Variants in NPSR1 observed in about 807,000 individuals in gnomAD.
NPSR1 encodes the protein neuropeptide S receptor 1, also known as neuropeptide S receptor.
In NPSR1, 48 loss-of-function variants were observed where a neutral mutation model predicts 46.9. The observed-to-expected ratio is 1.02, with a 90% CI of 0.81 to 1.30. NPSR1 has a LOEUF of 1.30. Among genes scored for constraint, NPSR1 ranks in the 50% most tolerant of loss-of-function variants. NPSR1 has a pLI of 0.00. For synonymous variants in NPSR1, 176 were observed against 168.1 expected (o/e 1.05, Z -0.36); for missense variants, 450 against 449.5 (o/e 1.00, Z -0.01).
chr7:34,846,189 C>A (rs879891010), intron 7 of NPSR1, among the ~76,000 whole-genome samples: 12 of 152,112 alleles, frequency 7.9e-5, no homozygotes, highest in African/African-American at 1.2e-4. Context: ...GATGCACCTT[C>A]CCTGGATGTT....
chr7:34,766,905 G>A (rs1034761695), intron 2 of NPSR1, among the ~76,000 whole-genome samples: 2 of 152,112 alleles, frequency 1.3e-5, no homozygotes, highest in South Asian at 2.1e-4. Flanking sequence ...ATTTTTAAAG[G>A]TTGCATATTT....
intron 1 of NPSR1, among the ~76,000 whole-genome samples, chr7:34,662,378 A>G (rs1236964338): frequency 6.6e-6 from 1 of 150,628 alleles, no homozygotes; most frequent in African/African-American, 2.5e-5. Context: ...CTCCATTAAT[A>G]TAACAAAAGC....
chr7:34,853,238 A>G (rs553169494), downstream of NPSR1, among the ~76,000 whole-genome samples: 8 of 152,382 alleles, frequency 5.2e-5, no homozygotes, highest in South Asian at 1.7e-3. Flanking sequence ...TCTGAGAGAA[A>G]AAAGGAAAAC....
intron 2 of NPSR1, chr7:34,751,545 A>G (rs1408808028): frequency 6.3e-7 from 1 of 1,581,530 alleles, no homozygotes; most frequent in Non-Finnish European, 8.7e-7. Flanking sequence ...CGAAACTTGT[A>G]TTCTTCTCCT....
chr7:34,734,466 T>C (rs1236513408), intron 2 of NPSR1, among the ~76,000 whole-genome samples: 1 of 152,082 alleles, frequency 6.6e-6, no homozygotes, highest in East Asian at 1.9e-4. Context: ...GATGATAGGG[T>C]CGAAAATATT....
chr7:34,724,022 A>T (rs955823791), intron 2 of NPSR1, among the ~76,000 whole-genome samples: 3 of 152,196 alleles, frequency 2.0e-5, no homozygotes, highest in Non-Finnish European at 4.4e-5. Context: ...ACACTGAGTT[A>T]GTCTTTTATT....
intron 8 of NPSR1, among the ~76,000 whole-genome samples, chr7:34,867,248 G>A (rs966227370): frequency 1.3e-5 from 2 of 151,876 alleles, no homozygotes; most frequent in Non-Finnish European, 1.5e-5. Context: ...TGGGAGGAGG[G>A]ATGGTGAGAA....
At chr7:34,858,640 A>G (rs1274457456) in intron 8 of NPSR1, among the ~76,000 whole-genome samples, 1 of 151,892 alleles carries the variant, frequency 6.6e-6, no homozygotes, top group East Asian at 1.9e-4. Context: ...TTTCACAATC[A>G]TGGCAGAAGG....
intron 6 of NPSR1, among the ~76,000 whole-genome samples, chr7:34,840,645 G>A (rs978284538): frequency 1.3e-5 from 2 of 152,170 alleles, no homozygotes; most frequent in African/African-American, 2.4e-5. Flanking sequence ...ATAATGAAGA[G>A]GACTCACAAT....
intron 2 of NPSR1, among the ~76,000 whole-genome samples, chr7:34,708,432 A>G (rs1420659429): frequency 2.0e-5 from 3 of 152,162 alleles, no homozygotes; most frequent in African/African-American, 7.2e-5. Context: ...GACTTCCCCA[A>G]AACACATGGG....
At chr7:34,770,366 A>G (rs919614694) in intron 2 of NPSR1, among the ~76,000 whole-genome samples, 1 of 152,196 alleles carries the variant, frequency 6.6e-6, no homozygotes, top group African/African-American at 2.4e-5. Context: ...TATAGCTTAG[A>G]ACAGTCATAG....
chr7:34,870,832 C>T (rs1791434299), intron 8 of NPSR1, among the ~76,000 whole-genome samples: 1 of 151,216 alleles, frequency 6.6e-6, no homozygotes, highest in Non-Finnish European at 1.5e-5. Context: ...ACAGGGTGGC[C>T]TAATTTGACA....
intron 2 of NPSR1, among the ~76,000 whole-genome samples, chr7:34,762,651 A>G (rs1786231888): frequency 1.3e-5 from 2 of 152,334 alleles, no homozygotes; most frequent in African/African-American, 4.8e-5. Flanking sequence ...TTTAAAAACA[A>G]CACTAAAGAC....
chr7:34,811,989 C>T (rs955837310), intron 4 of NPSR1, 126 bp downstream of exon 4: 1 of 641,922 alleles, frequency 1.6e-6, no homozygotes, highest in Non-Finnish European at 2.7e-6. Flanking sequence ...TTTCTTCTCT[C>T]TTCATTCTCC....
chr7:34,832,673 A>G (rs1260993529), intron 5 of NPSR1, among the ~76,000 whole-genome samples: 1 of 152,182 alleles, frequency 6.6e-6, no homozygotes, highest in Non-Finnish European at 1.5e-5. Flanking sequence ...GATTGGCCCT[A>G]AGTAAAAAGA....
intron 8 of NPSR1, among the ~76,000 whole-genome samples, chr7:34,861,562 G>T (rs1791192644): frequency 6.6e-6 from 1 of 151,788 alleles, no homozygotes; most frequent in South Asian, 2.1e-4. Context: ...TCTCCCATGA[G>T]ACAAAGATCT....
chr7:34,750,529 A>G, intron 2 of NPSR1: 1 of 699,428 alleles, frequency 1.4e-6, no homozygotes. Flanking sequence ...CTCTCTGGCT[A>G]CCTGCTTGGT....
intron 8 of NPSR1, among the ~76,000 whole-genome samples, chr7:34,857,228 G>A (rs902235421): frequency 1.3e-5 from 2 of 151,688 alleles, no homozygotes; most frequent in African/African-American, 4.9e-5. Flanking sequence ...TCAGTAGAAT[G>A]CCAAGAGGAA....
chr7:34,751,167 T>C lies in NPSR1; in HGVS notation c.281-27295T>C. 1.5e-5 allele frequency: 16 copies of C among 1,059,740 alleles called. 2 individuals are homozygous for C. The highest frequency in any genetic ancestry group is 2.4e-5 in the Non-Finnish European group (16 of 675,166). 65.6% of individuals were successfully genotyped at this position (1,059,740 alleles called of 1,614,324 possible). On this transcript the variant is annotated intron_variant, in intron 2 of 8. Transcript: ENST00000360581. ...GAGCAGGGTCCTGAAGGTGAGCATA[T>C]AGATGAGGAGTCCAGGGGTCCACCA...
Sources: allele counts gnomAD v4.1 joint callset (sites outside exome capture counted in the v4.1 genomes callset), GRCh38; gene constraint gnomAD v4.1.1; transcripts MANE v1.5; gene names NCBI Gene and HGNC (gene_info 2026-07-23, HGNC 2026-07-21).